HEXD: variants seen among roughly 807,000 people sequenced by gnomAD.
The protein encoded by HEXD is N-acetyl-beta-galactosaminidase.
Under a neutral mutation model 54.2 loss-of-function variants are expected in HEXD, and 47 were observed. The observed-to-expected ratio is 0.87, with a 90% CI of 0.69 to 1.11. The LOEUF is 1.11. Ranked by LOEUF, HEXD falls within the 50% of genes least tolerant of loss-of-function variation. The pLI, the probability that HEXD is intolerant of heterozygous loss-of-function variation, is 0.00. For synonymous variants in HEXD, 293 were observed against 287.6 expected (o/e 1.02, Z -0.19); for missense variants, 576 against 649.2 (o/e 0.89, Z 1.23).
intron 2 of HEXD, among the ~76,000 whole-genome samples, chr17:82,420,590 C>T (rs539675303): frequency 2.6e-5 from 4 of 152,272 alleles, no homozygotes; most frequent in East Asian, 1.9e-4. Context: ...TTTTTTGAGA[C>T]GGAGTCTCGC....
rs569347069 is a variant in HEXD at position 82,439,442 on chromosome 17, C to T, written c.900-189C>T. On this transcript the variant is annotated intron_variant, in intron 8 of 12. Coordinates refer to ENST00000327949, the MANE Select transcript of HEXD (RefSeq NM_001330542.2). ...TGTCCGGTTTCTAGAACGGAGTTGA[C>T]ATGAGAGCCCTGCCGCACAGAACCT... The T allele has an allele frequency of 9.8e-5, 97 of 985,418 alleles. No homozygotes were observed. In the Middle Eastern group the frequency reaches 1.6e-3, roughly 16 times the overall value. The allele number at this position is 985,418 out of a possible 1,614,324, so 61.0% of individuals were successfully genotyped here.
intron 9 of HEXD, chr17:82,439,992 C>T (rs1238783290): frequency 2.1e-6 from 3 of 1,432,760 alleles, no homozygotes; most frequent in Admixed American, 2.1e-5. Context: ...GCACGCAGGT[C>T]GGAGGTGGGG....
At chr17:82,420,599 G>A (rs895353004) in intron 2 of HEXD, among the ~76,000 whole-genome samples, 9 of 152,162 alleles carry the variant, frequency 5.9e-5, no homozygotes, top group African/African-American at 1.4e-4. Context: ...ACGGAGTCTC[G>A]CTCTGTCATC....
chr17:82,423,125 A>C (rs1236021740), intron 2 of HEXD, among the ~76,000 whole-genome samples: 2 of 152,144 alleles, frequency 1.3e-5, no homozygotes, highest in Non-Finnish European at 2.9e-5. Flanking sequence ...ACTTACACAC[A>C]GCTGGAGTCC....
At chr17:82,428,431 G>A (rs1055965364) in intron 3 of HEXD, 127 bp from the exon 4 acceptor site, 5 of 695,658 alleles carry the variant, frequency 7.2e-6, no homozygotes, top group Non-Finnish European at 1.2e-5. Context: ...GTCAAGCTTT[G>A]TGGAGTTTAG....
At chr17:82,421,461 C>T (rs764856274) in intron 2 of HEXD, among the ~76,000 whole-genome samples, 12 of 152,130 alleles carry the variant, frequency 7.9e-5, no homozygotes, top group South Asian at 4.1e-4. Context: ...TCTAATACCG[C>T]GTGGCAGCAG....
chr17:82,421,990 C>CA (rs2053248147), intron 2 of HEXD, among the ~76,000 whole-genome samples: 1 of 151,856 alleles, frequency 6.6e-6, no homozygotes, highest in South Asian at 2.1e-4. Flanking sequence ...TCCTGGCCAA[C>CA]ACAGTGTCTC....
intron 3 of HEXD, chr17:82,425,630 G>A (rs987370243): frequency 6.6e-6 from 1 of 152,358 alleles, no homozygotes. Context: ...GACATTAACT[G>A]GCCAATCCCA....
chr17:82,439,647 G>A lies in HEXD; in HGVS notation c.916G>A (p.Val306Met). Residue 306 changes from valine to methionine, a missense_variant, in exon 9 of 13, where the codon GTG becomes ATG. Coordinates refer to ENST00000327949, the MANE Select transcript of HEXD (RefSeq NM_001330542.2). ...TGGACCCAGGTACGACCACTACTCT[G>A]TGCTGTGCGAGCTGCTGCCCGCAGG... ...TGWQRYDHYSVLCELLPAGVP... is the reference protein window; with the variant it reads ...TGWQRYDHYSMLCELLPAGVP... 1 of 1,586,466 alleles carries A rather than the reference G, an allele frequency of 6.3e-7. No homozygotes were observed. Among genetic ancestry groups the A allele is most frequent in the Non-Finnish European group, 8.5e-7 (1 of 1,169,878 alleles).
In HEXD at chr17:82,441,093, C is replaced by T; in HGVS notation, c.1061+18C>T. 1.2e-6 allele frequency: 2 copies of T among 1,613,664 alleles called. No homozygotes were observed. The highest frequency in any genetic ancestry group is 8.5e-7 in the Non-Finnish European group (1 of 1,180,020). Reference sequence around the variant, plus strand: ...CCTGTTAGGCAAGCACCCTGCAGCCCTCCCTGTCCCCTTCTTCCCCTCCCC... The same window carrying T: ...CCTGTTAGGCAAGCACCCTGCAGCCTTCCCTGTCCCCTTCTTCCCCTCCCC... On this transcript the variant is annotated intron_variant, in intron 10 of 12. Transcript: ENST00000327949.
Position 82,418,436 on chromosome 17 carries a change from G to A in HEXD, c.-356G>A, listed in dbSNP as rs1486957472. The A allele has an allele frequency of 2.0e-6, 3 of 1,477,922 alleles. No homozygotes were observed. Among genetic ancestry groups the A allele is most frequent in the African/African-American group, 2.9e-5 (2 of 68,212 alleles). 91.6% of individuals were successfully genotyped at this position (1,477,922 alleles called of 1,614,324 possible). ...CCTGCTCCGGTTCCGGCGCTCGGCC[G>A]CTCCGTTGCCCTCGGGCGCCTTGGT... On this transcript the variant is annotated 5_prime_UTR_variant, in exon 1 of 13. Coordinates refer to ENST00000327949, the MANE Select transcript of HEXD (RefSeq NM_001330542.2).
intron 4 of HEXD, among the ~76,000 whole-genome samples, chr17:82,433,117 T>A (rs1567890542): frequency 2.7e-4 from 4 of 15,042 alleles, no homozygotes; most frequent in African/African-American, 7.3e-4. Context: ...TATATATATA[T>A]ATATATATAT....
intron 3 of HEXD, chr17:82,426,276 A>G (rs9914195): frequency 0.49 from 74,099 of 152,060 alleles, 19,894 homozygotes; most frequent in East Asian, 0.9. Flanking sequence ...CCTTGTTCCC[A>G]GCAGAATATG....
chr17:82,428,715 T>C lies in HEXD; in HGVS notation c.282+70T>C, dbSNP rs1419088556. The stretch of plus-strand genomic sequence containing the variant: ...CAGGGGCTGCAGGCTGGGCCAGGCT[T>C]GTGCCCAGGGGTGGGTGCAGCGGGC... On this transcript the variant is annotated intron_variant, in intron 4 of 12. Transcript: ENST00000327949. The C allele has an allele frequency of 2.9e-6, 4 of 1,364,128 alleles. No individual in the cohort carries two copies. The African/African-American group carries it at 5.7e-5, about 19-fold the overall frequency. The allele number at this position is 1,364,128 out of a possible 1,614,324, so 84.5% of individuals were successfully genotyped here. A position where few individuals can be genotyped will look rare whatever the true frequency, so the allele number is the denominator to read the frequency against.
intron 4 of HEXD, among the ~76,000 whole-genome samples, chr17:82,430,857 T>C (rs2053556698): frequency 6.6e-6 from 1 of 152,302 alleles, no homozygotes; most frequent in Non-Finnish European, 1.5e-5. Context: ...CTGGTGTCAT[T>C]TCTAAAAACT....
intron 10 of HEXD, 29 bp downstream of exon 10, chr17:82,441,104 C>T (rs903814394): frequency 6.2e-7 from 1 of 1,613,510 alleles, no homozygotes; most frequent in Non-Finnish European, 8.5e-7. Flanking sequence ...TCCCTGTCCC[C>T]TTCTTCCCCT....
At chr17:82,439,560 C>T (rs534556101) in intron 8 of HEXD, 71 bp from the exon 9 acceptor site, 16 of 1,497,662 alleles carry the variant, frequency 1.1e-5, no homozygotes, top group South Asian at 4.1e-5. Flanking sequence ...CAGGGACGTC[C>T]GAAGTCAGGG....
intron 5 of HEXD, among the ~76,000 whole-genome samples, chr17:82,435,270 A>T (rs935726967): frequency 6.6e-6 from 1 of 151,932 alleles, no homozygotes; most frequent in African/African-American, 2.4e-5. Flanking sequence ...TCTGCTTCCT[A>T]TCTCGGTGGA....
At position 82,433,757 on chromosome 17, in the gene HEXD, G is replaced by T; in HGVS notation, c.382G>T (p.Ala128Ser). The part of the protein sequence containing the change: ...HEAESLALVG[A>S]MIDQVLELHP... Reference sequence around the variant, plus strand: ...GGCAGAGTCCCTGGCGCTGGTGGGCGCCATGATTGACCAGGTCCTGGAGCT... The same window carrying T: ...GGCAGAGTCCCTGGCGCTGGTGGGCTCCATGATTGACCAGGTCCTGGAGCT... Residue 128 changes from alanine (A) to serine (S), a missense_variant, in exon 5 of 13, where the codon GCC (alanine) becomes TCC (serine). Transcript: ENST00000327949. 4 of 1,613,026 alleles carry T rather than the reference G, an allele frequency of 2.5e-6. No individual in the cohort carries two copies. Among genetic ancestry groups the T allele is most frequent in the Non-Finnish European group, 1.7e-6 (2 of 1,179,790 alleles).
Sources: allele counts gnomAD v4.1 joint callset (sites outside exome capture counted in the v4.1 genomes callset), GRCh38; gene constraint gnomAD v4.1.1; transcripts MANE v1.5; gene names NCBI Gene and HGNC (gene_info 2026-07-23, HGNC 2026-07-21).